Variants in ALDH6A1 observed in about 807,000 individuals in gnomAD.
ALDH6A1 encodes methylmalonate-semialdehyde/malonate-semialdehyde dehydrogenase [acylating], mitochondrial.
In ALDH6A1, 43 loss-of-function variants were observed where a neutral mutation model predicts 62.6. The observed-to-expected ratio is 0.69, with a 90% CI of 0.54 to 0.89. ALDH6A1 has a LOEUF of 0.89. ALDH6A1 is among the 40% of genes least tolerant of loss of function. The probability of loss-of-function intolerance (pLI) is 0.00; values close to 1 mark genes in which losing one functional copy is unlikely to be tolerated. For synonymous variants in ALDH6A1, 194 were observed against 234.2 expected (o/e 0.83, Z 1.57); for missense variants, 551 against 661.3 (o/e 0.83, Z 1.83).
chr14:74,065,919 A>C (rs1347193920), intron 9 of ALDH6A1: 1 of 161,224 alleles, frequency 6.2e-6, no homozygotes, highest in Non-Finnish European at 1.4e-5. Flanking sequence ...ATTTTTCTGT[A>C]TGGTTCTGTG....
In ALDH6A1 at chr14:74,067,031, C is replaced by A. The variant is rs142035272; in HGVS notation, c.1043-145G>T. 36 of 791,272 alleles carry A rather than the reference C, an allele frequency of 4.5e-5. No homozygotes were observed. In the African/African-American group the frequency reaches 5.7e-4, roughly 13 times the overall value. The allele number at this position is 791,272 out of a possible 1,614,324, so 49.0% of individuals were successfully genotyped here. A position where few individuals can be genotyped will look rare whatever the true frequency, so the allele number is the denominator to read the frequency against. Reference sequence around the variant, plus strand: ...AGGAGTTCCAGACCAGCCTGGGCAACAAAGTGAGACTTCATATTTACAAAA... The same window carrying A: ...AGGAGTTCCAGACCAGCCTGGGCAAAAAAGTGAGACTTCATATTTACAAAA... On this transcript the variant is annotated intron_variant, in intron 8 of 11. Transcript: ENST00000553458.
intron 5 of ALDH6A1, 34 bp from the exon 6 acceptor site, chr14:74,071,531 C>T: frequency 6.2e-7 from 1 of 1,612,974 alleles, no homozygotes; most frequent in Non-Finnish European, 8.5e-7. Context: ...CAGCTCTCCA[C>T]ACTGTGTACT....
At position 74,084,382 on chromosome 14, in the gene ALDH6A1, A is replaced by G. The variant is rs1402592601; in HGVS notation, c.13T>C (p.Leu5=). 2.5e-6 allele frequency: 4 copies of G among 1,613,586 alleles called. No individual in the cohort carries two copies. The highest frequency in any genetic ancestry group is 1.1e-5 in the South Asian group (1 of 91,052). MAAL[L]AAAAVRARIL... The stretch of plus-strand genomic sequence containing the variant: ...CGGGCTCGCACTGCCGCCGCCGCCA[A>G]TAGCGCCGCCATGGCTCTCGGCCGC... The change falls in exon 1 of 12, where the codon TTG becomes CTG. Residue 5 remains leucine (L), a synonymous_variant. Transcript: ENST00000553458.
At chr14:74,078,570 C>T (rs1256756421) in intron 1 of ALDH6A1, among the ~76,000 whole-genome samples, 3 of 152,126 alleles carry the variant, frequency 2.0e-5, no homozygotes, top group Admixed American at 6.5e-5. Flanking sequence ...CTCTGTCACC[C>T]AGGCTGGAGT....
intron 7 of ALDH6A1, among the ~76,000 whole-genome samples, chr14:74,068,425 T>A (rs1311633652): frequency 6.7e-6 from 1 of 150,370 alleles, no homozygotes; most frequent in East Asian, 2.0e-4. Context: ...ATGAAACTCC[T>A]CAAAAGGTTC....
At position 74,065,355 on chromosome 14, in the gene ALDH6A1, A is replaced by G. The variant is rs2060444339; in HGVS notation, c.1230T>C (p.Asn410=). The G allele has an allele frequency of 6.2e-7, 1 of 1,614,024 alleles. No individual in the cohort carries two copies. The highest frequency in any genetic ancestry group is 8.5e-7 in the Non-Finnish European group (1 of 1,180,004). The change falls in exon 10 of 12, where the codon AAT becomes AAC. Residue 410 remains asparagine (N), a synonymous_variant. Coordinates refer to ENST00000553458, the MANE Select transcript of ALDH6A1 (RefSeq NM_005589.4). The part of the protein sequence containing the change: ...GPTIISNVKP[N]MTCYKEEIFG... ...AAATCTCCTCTTTGTAACAGGTCATATTTGGCTGCCAGGAGTGATGCATCC... is the reference window on the plus strand; with the variant it reads ...AAATCTCCTCTTTGTAACAGGTCATGTTTGGCTGCCAGGAGTGATGCATCC...
Position 74,066,896 on chromosome 14 carries a change from A to G in ALDH6A1, c.1043-10T>C, listed in dbSNP as rs1358427014. On this transcript the variant is annotated splice_polypyrimidine_tract_variant and intron_variant, in intron 8 of 11. Coordinates refer to ENST00000553458, the MANE Select transcript of ALDH6A1 (RefSeq NM_005589.4). ...GCTCCAGGCTGATCTCCTGTAAAACAACACAGAAGAATTTAAGGTCCTCAT... is the reference window on the plus strand; with the variant it reads ...GCTCCAGGCTGATCTCCTGTAAAACGACACAGAAGAATTTAAGGTCCTCAT... 1 of 1,612,434 alleles carries G rather than the reference A, an allele frequency of 6.2e-7. No individual in the cohort carries two copies. The highest frequency in any genetic ancestry group is 8.5e-7 in the Non-Finnish European group (1 of 1,178,602).
intron 6 of ALDH6A1, among the ~76,000 whole-genome samples, chr14:74,069,429 G>A (rs889672162): frequency 1.3e-5 from 2 of 151,748 alleles, no homozygotes; most frequent in Non-Finnish European, 2.9e-5. Context: ...GATTCTCATT[G>A]TGAAGTTCTC....
Position 74,065,294 on chromosome 14 carries a change from A to C in ALDH6A1, c.1291T>G (p.Leu431Val), listed in dbSNP as rs776319322. The change falls in exon 10 of 12, where the codon TTG becomes GTG. Residue 431 changes from leucine (L) to valine (V), a missense_variant. Physicochemically the swap from Leu to Val is conservative, Grantham distance 32. Transcript: ENST00000553458. ...PVLVVLETET[L>V]DEAIQIVNNN... is the part of the protein sequence containing the mutation. ...TTTACAATCTGGATGGCTTCATCCA[A>C]TGTTTCTGTCTCCAGAACCACAAGA... The C allele has an allele frequency of 1.9e-6, 3 of 1,613,950 alleles. No individual in the cohort carries two copies. The highest frequency in any genetic ancestry group is 1.6e-4 in the Middle Eastern group (1 of 6,080).
intron 5 of ALDH6A1, 82 bp downstream of exon 5, chr14:74,071,814 A>G: frequency 1.3e-6 from 2 of 1,530,476 alleles, no homozygotes; most frequent in South Asian, 1.1e-5. Flanking sequence ...GTAAAGGAAG[A>G]AGCAACCTCC....
rs756975571 is a variant in ALDH6A1 at position 74,072,229 on chromosome 14, A to T, written c.322T>A (p.Tyr108Asn). The stretch of plus-strand genomic sequence containing the variant: ...AAGTTTTCTTTAATAAGTTGTTGAT[A>T]GCGGAGCAAGACCTGCTGGCGGCTT... ...VLSRQQVLLR[Y>N]QQLIKENLKE... Residue 108 changes from tyrosine (Y) to asparagine (N), a missense_variant, in exon 4 of 12, where the codon TAT (tyrosine) becomes AAT (asparagine). Transcript: ENST00000553458. The T allele has an allele frequency of 6.2e-7, 1 of 1,614,254 alleles. No individual in the cohort carries two copies. The highest frequency in any genetic ancestry group is 2.2e-5 in the East Asian group (1 of 44,892).
chr14:74,066,874 C>G lies in ALDH6A1; in HGVS notation c.1055G>C (p.Gly352Ala). Reference protein sequence around the residue: ...NLRVNAGDQPGADLGPLITPQ... With the variant: ...NLRVNAGDQPAADLGPLITPQ... ...AGTGATCAGAGGGCCAAGATCAGCT[C>G]CAGGCTGATCTCCTGTAAAACAACA... Residue 352 changes from glycine (G) to alanine (A), a missense_variant, in exon 9 of 12, where the codon GGA becomes GCA. Physicochemically the swap from Gly to Ala is moderately conservative, Grantham distance 60. Transcript: ENST00000553458. 6.2e-7 allele frequency: 1 copy of G among 1,613,356 alleles called. No homozygotes were observed. The highest frequency in any genetic ancestry group is 1.1e-5 in the South Asian group (1 of 91,070).
At chr14:74,074,339 T>C (rs1392161717) in intron 2 of ALDH6A1, among the ~76,000 whole-genome samples, 2 of 148,316 alleles carry the variant, frequency 1.3e-5, no homozygotes, top group Non-Finnish European at 3.0e-5. Flanking sequence ...CAGGCTGGAG[T>C]GCAATGGTGC....
chr14:74,070,529 A>G (rs2060535122), intron 6 of ALDH6A1, among the ~76,000 whole-genome samples: 1 of 152,194 alleles, frequency 6.6e-6, no homozygotes, highest in Non-Finnish European at 1.5e-5. Context: ...AAAAAAAAGA[A>G]TAACAATATT....
chr14:74,064,774 A>G (rs1326967698), intron 11 of ALDH6A1, 48 bp downstream of exon 11: 2 of 1,611,842 alleles, frequency 1.2e-6, no homozygotes, highest in Non-Finnish European at 1.7e-6. Flanking sequence ...GAATATCTTT[A>G]AGAAAATTTC....
Position 74,059,276 on chromosome 14 carries a change from A to G in ALDH6A1, c.*1366T>C. The G allele has an allele frequency of 7.4e-6, 3 of 403,746 alleles. No homozygotes were observed. The highest frequency in any genetic ancestry group is 3.6e-5 in the South Asian group (2 of 54,936). The allele number at this position is 403,746 out of a possible 1,614,324, so 25.0% of individuals were successfully genotyped here. The stretch of plus-strand genomic sequence containing the variant: ...AGAAATACAGGCAAGAGAAAAGAAT[A>G]TATAAAATTTGGCAAGTAATAGCAG... On this transcript the variant is annotated 3_prime_UTR_variant, in exon 12 of 12. Coordinates refer to ENST00000553458, the MANE Select transcript of ALDH6A1 (RefSeq NM_005589.4).
intron 2 of ALDH6A1, among the ~76,000 whole-genome samples, 171 bp downstream of exon 2, chr14:74,074,783 GT>G (rs2060594128): frequency 6.6e-6 from 1 of 152,136 alleles, no homozygotes; most frequent in Non-Finnish European, 1.5e-5. Context: ...CCATGAAAAT[GT>G]TTGTATCTTT....
rs1252148659 is a variant in ALDH6A1, at chr14:74,058,347, C to CA, written c.*2294dup. The CA allele has an allele frequency of 2.9e-5, 4 of 137,538 alleles. No homozygotes were observed. Among genetic ancestry groups the CA allele is most frequent in the African/African-American group, 6.2e-5 (2 of 32,378 alleles). The allele number at this position is 137,538 out of a possible 1,614,324, so 8.5% of individuals were successfully genotyped here. Reference sequence around the variant, plus strand: ...ATCTCAAAACAAAACAAAACAACAACAAAAAAAATCACTACCAGTTGCCAG... The same window carrying CA: ...ATCTCAAAACAAAACAAAACAACAACAAAAAAAAATCACTACCAGTTGCCAG... On this transcript the variant is annotated 3_prime_UTR_variant, in exon 12 of 12. Transcript: ENST00000553458.
At chr14:74,069,582 C>T (rs149098717) in intron 6 of ALDH6A1, among the ~76,000 whole-genome samples, 2,066 of 151,746 alleles carry the variant, frequency 0.014, 41 homozygotes, top group African/African-American at 0.047. Context: ...GAAACCCTGT[C>T]TCTACTAAAA....
Sources: allele counts gnomAD v4.1 joint callset (sites outside exome capture counted in the v4.1 genomes callset), GRCh38; gene constraint gnomAD v4.1.1; transcripts MANE v1.5; gene names NCBI Gene and HGNC (gene_info 2026-07-23, HGNC 2026-07-21).